The following USP54 variants were observed in gnomAD, a reference collection of about 807,000 sequenced individuals.
The protein encoded by USP54 is ubiquitin carboxyl-terminal hydrolase 54.
Under a neutral mutation model 170.5 loss-of-function variants are expected in USP54, and 87 were observed. That is an observed-to-expected ratio of 0.51 (90% CI 0.43 to 0.61). The LOEUF is 0.61. Among genes scored for constraint, USP54 ranks in the 20% least tolerant of loss-of-function variants. The probability of loss-of-function intolerance (pLI) is 0.00; values close to 1 mark genes in which losing one functional copy is unlikely to be tolerated. For synonymous variants in USP54, 655 were observed against 742.8 expected, an observed-to-expected ratio of 0.88 and a Z score of 1.92; for missense variants, 1,786 against 2,047.8, an observed-to-expected ratio of 0.87 and a Z score of 2.47.
chr10:73,530,048 G>A (rs2133394731), intron 14 of USP54, 95 bp downstream of exon 14: 1 of 1,512,968 alleles, frequency 6.6e-7, no homozygotes, highest in East Asian at 2.3e-5. Context: ...CAGAGTAAAA[G>A]TGCCCCTTGC....
intron 1 of USP54, among the ~76,000 whole-genome samples, chr10:73,620,736 A>T (rs112433855): frequency 0.012 from 1,837 of 150,236 alleles, 31 homozygotes; most frequent in Non-Finnish European, 0.021. Context: ...TCAGGACTTC[A>T]AGACCAGCCT....
At position 73,517,666 on chromosome 10, in the gene USP54, A is replaced by G. The variant is rs1360295758; in HGVS notation, c.2760T>C (p.Ser920=). 1.9e-5 allele frequency: 30 copies of G among 1,614,208 alleles called. No individual in the cohort carries two copies. The highest frequency in any genetic ancestry group is 2.5e-5 in the Non-Finnish European group (29 of 1,180,036). The part of the protein sequence containing the change: ...ESGMDTEFGA[S]SFFHSPASCH... ...AGGAAGCAGGTGAATGGAAGAAAGA[A>G]CTGGCCCCAAACTCTGTATCCATGC... Residue 920 remains serine, a synonymous_variant, in exon 20 of 24, where the codon AGT becomes AGC. Transcript: ENST00000687698.
At chr10:73,615,371 CA>C (rs1372180164) in intron 1 of USP54, among the ~76,000 whole-genome samples, 1 of 149,830 alleles carries the variant, frequency 6.7e-6, no homozygotes, top group Non-Finnish European at 1.5e-5. Flanking sequence ...AAAACAAAAA[CA>C]AAAACAAAAA....
upstream of USP54, among the ~76,000 whole-genome samples, chr10:73,591,740 C>T (rs2078268784): frequency 6.6e-6 from 1 of 151,978 alleles, no homozygotes; most frequent in African/African-American, 2.4e-5. Flanking sequence ...AGGGCCAGTC[C>T]CCCACAAAAA....
At chr10:73,550,030 T>C (rs1011728034) in intron 4 of USP54, among the ~76,000 whole-genome samples, 1 of 152,146 alleles carries the variant, frequency 6.6e-6, no homozygotes, top group Non-Finnish European at 1.5e-5. Flanking sequence ...TTCAAGCGAT[T>C]CTGCTGCCTC....
At chr10:73,609,394 C>T (rs1004118288) in intron 1 of USP54, among the ~76,000 whole-genome samples, 4 of 152,184 alleles carry the variant, frequency 2.6e-5, no homozygotes, top group African/African-American at 9.7e-5. Context: ...TTTGTTTCCA[C>T]AGAGAATACA....
At chr10:73,502,740 T>C (rs1257668970) in intron 22 of USP54, among the ~76,000 whole-genome samples, 1 of 152,178 alleles carries the variant, frequency 6.6e-6, no homozygotes, top group African/African-American at 2.4e-5. Flanking sequence ...CCACCTTAAA[T>C]CTGATGCTCT....
intron 8 of USP54, 47 bp downstream of exon 8, chr10:73,541,586 C>G: frequency 1.9e-6 from 3 of 1,613,114 alleles, no homozygotes; most frequent in Non-Finnish European, 2.5e-6. Context: ...TTCCACTGAT[C>G]GATGGTTCCC....
intron 1 of USP54, among the ~76,000 whole-genome samples, chr10:73,606,177 A>C (rs1328596361): frequency 8.8e-6 from 1 of 113,804 alleles, no homozygotes; most frequent in South Asian, 2.8e-4. Flanking sequence ...GGCTGTCTCA[A>C]AAAAAAAAAA....
At chr10:73,606,951 T>TTC (rs2079694650) in intron 1 of USP54, among the ~76,000 whole-genome samples, 1 of 150,576 alleles carries the variant, frequency 6.6e-6, no homozygotes, top group African/African-American at 2.4e-5. Context: ...AACTGAACAG[T>TTC]TTCATACAAC....
intron 12 of USP54, 69 bp downstream of exon 12, chr10:73,534,531 T>C: frequency 2.6e-6 from 4 of 1,550,248 alleles, no homozygotes; most frequent in Non-Finnish European, 3.5e-6. Flanking sequence ...GGCCTCACAG[T>C]TTCTTTTTCT....
chr10:73,617,457 AAAT>A (rs1259893198), intron 1 of USP54, among the ~76,000 whole-genome samples: 1 of 148,174 alleles, frequency 6.7e-6, no homozygotes, highest in African/African-American at 2.6e-5. Context: ...CTCTGTCTAA[AAAT>A]AATAATAATA....
rs1054161594 is a variant in USP54, at chr10:73,542,010, A to G, written c.573-272T>C. The stretch of plus-strand genomic sequence containing the variant: ...GGATGGGAGAGGAAAGAAGGAGAAC[A>G]AAAATTATTTTTAAATTACTGTTCT... On this transcript the variant is annotated intron_variant, in intron 7 of 23. Coordinates refer to ENST00000687698, the MANE Select transcript of USP54 (RefSeq NM_001391956.1). The G allele has an allele frequency of 3.5e-5, 15 of 433,766 alleles. No individual in the cohort carries two copies. The Admixed American group carries it at 5.7e-4, about 17-fold the overall frequency. The allele number at this position is 433,766 out of a possible 1,614,324, so 26.9% of individuals were successfully genotyped here.
At chr10:73,545,756 C>T in intron 4 of USP54, 84 bp from the exon 5 acceptor site, 2 of 1,480,422 alleles carry the variant, frequency 1.4e-6, no homozygotes, top group Non-Finnish European at 1.8e-6. Flanking sequence ...GCTAGCATCT[C>T]CATGATGATA....
Position 73,517,351 on chromosome 10 carries a change from C to T in USP54, c.3075G>A (p.Leu1025=). The T allele has an allele frequency of 6.2e-7, 1 of 1,612,454 alleles. No individual in the cohort carries two copies. The highest frequency in any genetic ancestry group is 8.5e-7 in the Non-Finnish European group (1 of 1,179,214). ...TAGCAGGATCCTTCTTTTCTTGGAA[C>T]AGCTGTTCTTGAGCAATGCCTCTTC... ...QEGRGIAQEQ[L]FQEKKDPANP... is the part of the protein sequence containing the mutation. Residue 1025 remains leucine, a synonymous_variant, in exon 20 of 24, where the codon CTG becomes CTA. Transcript: ENST00000687698.
At chr10:73,558,414 T>C (rs2071782853) in intron 4 of USP54, among the ~76,000 whole-genome samples, 1 of 152,170 alleles carries the variant, frequency 6.6e-6, no homozygotes, top group Non-Finnish European at 1.5e-5. Context: ...TTATAAGTAC[T>C]GGATACAATA....
intron 1 of USP54, among the ~76,000 whole-genome samples, chr10:73,607,320 TA>T (rs772279519): frequency 0.055 from 5,014 of 91,188 alleles, 120 homozygotes; most frequent in South Asian, 0.19. Flanking sequence ...AGAGTTTGCT[TA>T]AAAAAAAAAA....
intron 12 of USP54, 84 bp from the exon 13 acceptor site, chr10:73,530,919 A>T (rs765405982): frequency 5.7e-6 from 9 of 1,568,736 alleles, no homozygotes; most frequent in Non-Finnish European, 6.9e-6. Context: ...TCCCTTTGGG[A>T]GTGCCACAAA....
At chr10:73,563,792 T>C (rs2073661304) in intron 4 of USP54, among the ~76,000 whole-genome samples, 1 of 152,274 alleles carries the variant, frequency 6.6e-6, no homozygotes, top group East Asian at 1.9e-4. Context: ...ACTAATCTTT[T>C]GTTACATATA....
Sources: allele counts gnomAD v4.1 joint callset (sites outside exome capture counted in the v4.1 genomes callset), GRCh38; gene constraint gnomAD v4.1.1; transcripts MANE v1.5; gene names NCBI Gene and HGNC (gene_info 2026-07-23, HGNC 2026-07-21).